The following BEND7 variants were observed in gnomAD, a reference collection of about 807,000 sequenced individuals.
BEND7 encodes the protein BEN domain-containing protein 7.
Under a neutral mutation model 50.9 loss-of-function variants are expected in BEND7, and 28 were observed. That is an observed-to-expected ratio of 0.55 (90% CI 0.41 to 0.75). The LOEUF is 0.75. Among genes scored for constraint, BEND7 ranks in the 30% least tolerant of loss-of-function variants. The pLI, the probability that BEND7 is intolerant of heterozygous loss-of-function variation, is 0.00. For missense variants in BEND7, 477 were observed against 491.3 expected (o/e 0.97, Z 0.28); for synonymous variants, 170 against 183.9 (o/e 0.92, Z 0.61).
At chr10:13,520,975 T>C (rs2132671725) in intron 2 of BEND7, among the ~76,000 whole-genome samples, 1 of 152,352 alleles carries the variant, frequency 6.6e-6, no homozygotes, top group Admixed American at 6.5e-5. Flanking sequence ...TTGCTTGCAA[T>C]TATTTTTGAA....
At chr10:13,491,576 A>G (rs957787050) in intron 5 of BEND7, among the ~76,000 whole-genome samples, 1 of 152,014 alleles carries the variant, frequency 6.6e-6, no homozygotes, top group South Asian at 2.1e-4. Flanking sequence ...TTCAAAAAAA[A>G]AAAAGAACCT....
chr10:13,528,064 T>C (rs947948367), intron 1 of BEND7, among the ~76,000 whole-genome samples: 2 of 152,246 alleles, frequency 1.3e-5, no homozygotes, highest in African/African-American at 4.8e-5. Context: ...TCATCCTTTT[T>C]CCTCCTTCTC....
intron 6 of BEND7, among the ~76,000 whole-genome samples, chr10:13,471,491 G>A (rs911851532): frequency 6.6e-6 from 1 of 152,208 alleles, no homozygotes; most frequent in African/African-American, 2.4e-5. Flanking sequence ...CTTCAAGACT[G>A]TCATGACAAG....
chr10:13,526,208 C>T lies in BEND7; in HGVS notation c.75G>A (p.Glu25=). The T allele has an allele frequency of 1.6e-6, 2 of 1,288,422 alleles. No individual in the cohort carries two copies. The highest frequency in any genetic ancestry group is 2.0e-6 in the Non-Finnish European group (2 of 988,380). 79.8% of individuals were successfully genotyped at this position (1,288,422 alleles called of 1,614,324 possible). A position where few individuals can be genotyped will look rare whatever the true frequency, so the allele number is the denominator to read the frequency against. ...TGCTGAATTCTGGGATCTTATACACCTCGTGGTGATAATCTGGCATGAGAA... is the reference window on the plus strand; with the variant it reads ...TGCTGAATTCTGGGATCTTATACACTTCGTGGTGATAATCTGGCATGAGAA... ...FKLVSRDYHH[E]VYKIPEFSND... Residue 25 remains glutamate (E), a synonymous_variant, in exon 2 of 9, where the codon GAG becomes GAA. Coordinates refer to ENST00000466271, the MANE Select transcript of BEND7 (RefSeq NM_001369863.1).
intron 2 of BEND7, among the ~76,000 whole-genome samples, chr10:13,510,175 C>T (rs1482829490): frequency 6.6e-6 from 1 of 152,022 alleles, no homozygotes; most frequent in Non-Finnish European, 1.5e-5. Context: ...GGGCAAAGGA[C>T]ATGAACATGT....
chr10:13,497,787 A>G (rs141112256), intron 3 of BEND7, among the ~76,000 whole-genome samples: 173 of 152,256 alleles, frequency 1.1e-3, no homozygotes, highest in African/African-American at 4.1e-3. Flanking sequence ...CAGCGCTCAC[A>G]TTGTCTCACA....
At chr10:13,463,142 A>G (rs181834766) in intron 6 of BEND7, among the ~76,000 whole-genome samples, 51 of 152,392 alleles carry the variant, frequency 3.3e-4, no homozygotes, top group African/African-American at 1.2e-3. Flanking sequence ...TGGAGATTGC[A>G]AATGTTTTTG....
chr10:13,500,229 AG>A, intron 2 of BEND7, 149 bp from the exon 3 acceptor site: 1 of 745,324 alleles, frequency 1.3e-6, no homozygotes, highest in South Asian at 2.5e-5. Context: ...ACGCAAAGGC[AG>A]GAAAACTGAC....
rs1464573702 is a variant in BEND7 at position 13,481,139 on chromosome 10, C to G, written c.838-15G>C. 6.2e-7 allele frequency: 1 copy of G among 1,609,922 alleles called. No homozygotes were observed. The highest frequency in any genetic ancestry group is 8.5e-7 in the Non-Finnish European group (1 of 1,177,670). Reference sequence around the variant, plus strand: ...TGTACTTCTGGCTACCAAAAGAACACAGATATTTCATTAAAAGCAAGATTT... The same window carrying G: ...TGTACTTCTGGCTACCAAAAGAACAGAGATATTTCATTAAAAGCAAGATTT... On this transcript the variant is annotated splice_polypyrimidine_tract_variant and intron_variant, in intron 5 of 8. Transcript: ENST00000466271.
At chr10:13,520,134 T>G (rs1369664890) in intron 2 of BEND7, among the ~76,000 whole-genome samples, 3 of 152,100 alleles carry the variant, frequency 2.0e-5, no homozygotes, top group Non-Finnish European at 4.4e-5. Flanking sequence ...GTCTCCTAGT[T>G]CTATGACCTT....
chr10:13,448,162 T>C (rs749222432), intron 7 of BEND7, among the ~76,000 whole-genome samples: 6 of 152,178 alleles, frequency 3.9e-5, no homozygotes, highest in Admixed American at 6.5e-5. Context: ...AATGTATCCA[T>C]CTCCTTGGGA....
intron 3 of BEND7, 53 bp from the exon 4 acceptor site, chr10:13,496,941 A>C: frequency 4.0e-6 from 6 of 1,496,918 alleles, no homozygotes; most frequent in Non-Finnish European, 5.3e-6. Context: ...AAAAAAAAAA[A>C]AAAATCATAA....
At chr10:13,522,553 A>C (rs1347287394) in intron 2 of BEND7, among the ~76,000 whole-genome samples, 1 of 152,144 alleles carries the variant, frequency 6.6e-6, no homozygotes, top group Admixed American at 6.5e-5. Flanking sequence ...TAAGTGCAAC[A>C]CTCATGGTCG....
intron 2 of BEND7, 46 bp from the exon 3 acceptor site, chr10:13,500,126 GA>G (rs1366529503): frequency 8.5e-6 from 12 of 1,412,418 alleles, no homozygotes; most frequent in Non-Finnish European, 1.1e-5. Flanking sequence ...TAGTGAAAGA[GA>G]AAACAGTTCA....
intron 2 of BEND7, among the ~76,000 whole-genome samples, chr10:13,517,819 G>A (rs2078801128): frequency 1.3e-5 from 2 of 152,202 alleles, no homozygotes; most frequent in Admixed American, 6.5e-5. Flanking sequence ...GAAAGGCACC[G>A]TGTGGATCGC....
chr10:13,514,210 C>G (rs969082070), intron 2 of BEND7, among the ~76,000 whole-genome samples: 5 of 152,212 alleles, frequency 3.3e-5, no homozygotes, highest in African/African-American at 7.2e-5. Context: ...AACCTCCCAG[C>G]CTGGCCTACT....
At chr10:13,463,677 G>A (rs527926256) in intron 6 of BEND7, among the ~76,000 whole-genome samples, 124 of 152,280 alleles carry the variant, frequency 8.1e-4, no homozygotes, top group African/African-American at 2.9e-3. Flanking sequence ...ATCTGAGTAG[G>A]GAGGATCTTT....
chr10:13,510,198 GA>G (rs1206660803), intron 2 of BEND7, among the ~76,000 whole-genome samples: 9 of 151,866 alleles, frequency 5.9e-5, no homozygotes, highest in African/African-American at 1.9e-4. Context: ...TTCACAAGAA[GA>G]AAAAAATGAT....
chr10:13,492,294 T>C (rs935620935), intron 5 of BEND7, among the ~76,000 whole-genome samples: 2 of 152,198 alleles, frequency 1.3e-5, no homozygotes, highest in African/African-American at 4.8e-5. Flanking sequence ...AATTATATTC[T>C]TTTAGGTCTC....
Sources: allele counts gnomAD v4.1 joint callset (sites outside exome capture counted in the v4.1 genomes callset), GRCh38; gene constraint gnomAD v4.1.1; transcripts MANE v1.5; gene names NCBI Gene and HGNC (gene_info 2026-07-23, HGNC 2026-07-21).